GOPC: variants seen among roughly 807,000 people sequenced by gnomAD.
The protein encoded by GOPC is golgi associated PDZ and coiled-coil motif containing.
GOPC carries 32 observed loss-of-function variants against 51.2 expected under a neutral mutation model. The observed-to-expected ratio is 0.63, with a 90% CI of 0.47 to 0.84. The LOEUF is 0.84. GOPC is among the 40% of genes least tolerant of loss of function. The pLI is 0.00. For missense variants in GOPC, 441 were observed against 555.5 expected, an observed-to-expected ratio of 0.79 and a Z score of 2.07; for synonymous variants, 190 against 205.1, an observed-to-expected ratio of 0.93 and a Z score of 0.63.
Position 117,560,305 on chromosome 6 carries a change from AT to A in GOPC, c.*2948del. The A allele has an allele frequency of 5.7e-6, 1 of 176,806 alleles. No homozygotes were observed. The highest frequency in any genetic ancestry group is 2.0e-4 in the South Asian group (1 of 5,030). The allele number at this position is 176,806 out of a possible 1,614,324, so 11.0% of individuals were successfully genotyped here. A position where few individuals can be genotyped will look rare whatever the true frequency, so the allele number is the denominator to read the frequency against. On this transcript the variant is annotated 3_prime_UTR_variant, in exon 9 of 9. Transcript: ENST00000368498. ...GGAAACAAAATGTTTATTTAAAAAA[AT>A]GAGATCAATATCATTTTAATGTAGA...
At chr6:117,565,421 A>T (rs1368993656) in intron 8 of GOPC, among the ~76,000 whole-genome samples, 1 of 152,210 alleles carries the variant, frequency 6.6e-6, no homozygotes, top group Non-Finnish European at 1.5e-5. Flanking sequence ...TTGAAACCTT[A>T]TCAGTGAACT....
intron 1 of GOPC, among the ~76,000 whole-genome samples, chr6:117,588,831 G>A (rs1397499482): frequency 6.9e-6 from 1 of 145,526 alleles, no homozygotes; most frequent in African/African-American, 2.5e-5. Flanking sequence ...AAAAAAAAAA[G>A]AGCTCTTTGG....
rs777010490 is a variant in GOPC, at chr6:117,570,861, G to A, written c.911C>T (p.Thr304Ile). ...GATACTGGAAGTACTACTTCTTACT[G>A]TAATTGAAATGCCAAGGCCTTCATG... Reference protein sequence around the residue: ...EDHEGLGISITGGKEHGVPIL... With the variant: ...EDHEGLGISIIGGKEHGVPIL... Residue 304 changes from threonine to isoleucine, a missense_variant and splice_region_variant, in exon 6 of 9, where the codon ACA (threonine) becomes ATA (isoleucine). Thr to Ile is a moderately conservative substitution (Grantham distance 89). This residue lies in a region of GOPC where 166 missense variants were observed against 267.0 expected (regional missense o/e 0.62). Coordinates refer to ENST00000368498, the MANE Select transcript of GOPC (RefSeq NM_020399.4). 6.7e-7 allele frequency: 1 copy of A among 1,488,462 alleles called. No individual in the cohort carries two copies. Among genetic ancestry groups the A allele is most frequent in the African/African-American group, 1.4e-5 (1 of 72,032 alleles). 92.2% of individuals were successfully genotyped at this position (1,488,462 alleles called of 1,614,324 possible).
chr6:117,582,227 T>C (rs1779968559), intron 1 of GOPC, among the ~76,000 whole-genome samples: 1 of 149,728 alleles, frequency 6.7e-6, no homozygotes, highest in Non-Finnish European at 1.5e-5. Context: ...TTGTAAGTTC[T>C]CTCTCTCTCT....
At chr6:117,594,984 T>C (rs1780172555) in intron 1 of GOPC, among the ~76,000 whole-genome samples, 1 of 147,510 alleles carries the variant, frequency 6.8e-6, no homozygotes, top group Non-Finnish European at 1.5e-5. Flanking sequence ...AGGAAAAGGC[T>C]GAGGCACAAA....
intron 8 of GOPC, among the ~76,000 whole-genome samples, chr6:117,564,194 G>C (rs983602210): frequency 2.6e-5 from 4 of 151,946 alleles, no homozygotes; most frequent in Non-Finnish European, 5.9e-5. Flanking sequence ...TGCCCAGGTT[G>C]GTAACTCCTG....
At chr6:117,574,250 C>T (rs1779846476) in intron 4 of GOPC, among the ~76,000 whole-genome samples, 1 of 148,248 alleles carries the variant, frequency 6.7e-6, no homozygotes, top group South Asian at 2.1e-4. Context: ...GACCCCATCT[C>T]ACAAAATTTA....
chr6:117,572,566 C>A (rs1208653323), intron 5 of GOPC, among the ~76,000 whole-genome samples: 2 of 152,118 alleles, frequency 1.3e-5, no homozygotes, highest in Non-Finnish European at 2.9e-5. Context: ...TTTCTATAAT[C>A]CAGCCACTAC....
Position 117,598,541 on chromosome 6 carries a change from C to T in GOPC, c.285+3463G>A, listed in dbSNP as rs113968563. Among the ~76,000 whole-genome samples, 1,237 of 152,202 alleles carry T rather than the reference C, an allele frequency of 8.1e-3. 8 individuals carry two copies. The highest frequency in any genetic ancestry group is 0.01 in the Non-Finnish European group (700 of 68,020). ...GGAAGACAATTTTTCCACAGGACAG[C>T]GTGGGGATGGTTTCAACAAAAGACA... On this transcript the variant is annotated intron_variant, in intron 1 of 8. Transcript: ENST00000368498.
chr6:117,568,026 C>CAAA (rs779227271), intron 7 of GOPC, among the ~76,000 whole-genome samples: 53 of 46,056 alleles, frequency 1.2e-3, no homozygotes, highest in Non-Finnish European at 1.5e-3. Context: ...CCCATCTCTA[C>CAAA]AAAAAAAAAA....
At chr6:117,584,597 A>G (rs574737611) in intron 1 of GOPC, among the ~76,000 whole-genome samples, 13 of 152,206 alleles carry the variant, frequency 8.5e-5, no homozygotes, top group African/African-American at 2.4e-4. Context: ...ACCAGCCTCC[A>G]TGAACTTCCA....
Position 117,602,414 on chromosome 6 carries a change from G to A in GOPC, c.-126C>T. The A allele has an allele frequency of 2.3e-6, 2 of 875,282 alleles. No homozygotes were observed. Among genetic ancestry groups the A allele is most frequent in the South Asian group, 1.8e-5 (1 of 56,132 alleles). The allele number at this position is 875,282 out of a possible 1,614,324, so 54.2% of individuals were successfully genotyped here. On this transcript the variant is annotated 5_prime_UTR_variant, in exon 1 of 9. Coordinates refer to ENST00000368498, the MANE Select transcript of GOPC (RefSeq NM_020399.4). ...ACTCCGTCACCTCCCTTCACCTCGC[G>A]CCGTTAACGCCAGCAGCACAGTCAC...
At chr6:117,583,217 G>A (rs570577916) in intron 1 of GOPC, among the ~76,000 whole-genome samples, 9 of 152,316 alleles carry the variant, frequency 5.9e-5, no homozygotes, top group East Asian at 3.9e-4. Flanking sequence ...TCGTTTGCTC[G>A]TGTGCTCCCA....
chr6:117,575,455 C>T (rs377518853), intron 3 of GOPC, 103 bp from the exon 4 acceptor site: 15 of 868,832 alleles, frequency 1.7e-5, no homozygotes, highest in African/African-American at 9.9e-5. Context: ...AACAATGTAT[C>T]ATCTCTATAA....
At chr6:117,585,728 A>C (rs1265880248) in intron 1 of GOPC, among the ~76,000 whole-genome samples, 8 of 152,238 alleles carry the variant, frequency 5.3e-5, no homozygotes, top group African/African-American at 1.9e-4. Context: ...ACTAAACAGC[A>C]GATTCTGAAC....
intron 8 of GOPC, among the ~76,000 whole-genome samples, chr6:117,566,387 C>T (rs992542724): frequency 6.6e-6 from 1 of 152,070 alleles, no homozygotes; most frequent in African/African-American, 2.4e-5. Flanking sequence ...TAAATGATAG[C>T]AAAGGAACTA....
chr6:117,594,983 C>CCTCA (rs140018559), intron 1 of GOPC, among the ~76,000 whole-genome samples: 2,379 of 152,226 alleles, frequency 0.016, 47 homozygotes, highest in African/African-American at 0.055. Context: ...AAGGAAAAGG[C>CCTCA]TGAGGCACAA....
Position 117,565,608 on chromosome 6 carries a change from C to A in GOPC, c.1258+1246G>T, listed in dbSNP as rs1430241367. On this transcript the variant is annotated intron_variant, in intron 8 of 8. Transcript: ENST00000368498. ...CTTTACTGTATCAAAAAATCACATT[C>A]ATTAATATCATCATCAATCTCATCA... Among the ~76,000 whole-genome samples the A allele has an allele frequency of 2.6e-5, 4 of 152,126 alleles. No individual in the cohort carries two copies. The East Asian group carries it at 7.7e-4, about 29-fold the overall frequency.
At chr6:117,577,690 G>C (rs1779902383) in intron 2 of GOPC, among the ~76,000 whole-genome samples, 1 of 152,014 alleles carries the variant, frequency 6.6e-6, no homozygotes, top group South Asian at 2.1e-4. Flanking sequence ...AACTGGTACA[G>C]TGTTCTTTTC....
Sources: gnomAD v4.1 joint callset for allele counts (sites outside exome capture counted in the v4.1 genomes callset) on GRCh38, gnomAD v4.1.1 for gene constraint, gnomAD v4.1.1 regional missense constraint, MANE v1.5 for transcripts, NCBI Gene and HGNC (gene_info 2026-07-23, HGNC 2026-07-21) for gene names.